Variants in CADPS observed in about 807,000 individuals in gnomAD.
CADPS encodes calcium dependent secretion activator, also known as calcium-dependent secretion activator 1.
In CADPS, 57 loss-of-function variants were observed where a neutral mutation model predicts 167.3. The ratio of observed to expected loss-of-function variants is 0.34; its 90% CI spans 0.28 to 0.42. The LOEUF is 0.42. CADPS is among the 20% of genes least tolerant of loss of function. The pLI is 1.00. For missense variants in CADPS, 1,414 were observed against 1,738.1 expected, an observed-to-expected ratio of 0.81 and a Z score of 3.32; for synonymous variants, 676 against 635.3, an observed-to-expected ratio of 1.06 and a Z score of -0.96.
At chr3:62,638,954 G>A (rs879594528) in intron 6 of CADPS, among the ~76,000 whole-genome samples, 2 of 152,106 alleles carry the variant, frequency 1.3e-5, no homozygotes, top group Non-Finnish European at 2.9e-5. Context: ...AGAATTAGGA[G>A]CTCTCTCTCC....
chr3:62,725,417 G>A (rs114447062), intron 3 of CADPS, among the ~76,000 whole-genome samples: 372 of 152,232 alleles, frequency 2.4e-3, no homozygotes, highest in African/African-American at 8.4e-3. Flanking sequence ...TCTTCAGCCC[G>A]GATCAATTAT....
intron 1 of CADPS, among the ~76,000 whole-genome samples, chr3:62,841,581 G>C (rs1156998287): frequency 6.6e-6 from 1 of 152,152 alleles, no homozygotes; most frequent in Non-Finnish European, 1.5e-5. Context: ...GCTGGGCGTG[G>C]TGGCATGTGC....
rs1195966763 is a variant in CADPS, at chr3:62,447,696, G to C, written c.3637-1899C>G. 2.6e-5 allele frequency among the ~76,000 whole-genome samples: 4 copies of C among 152,176 alleles called. No homozygotes were observed. In the East Asian group the frequency reaches 7.7e-4, roughly 29 times the overall value. Reference sequence around the variant, plus strand: ...GATCAGTCTGAAAACCAACATAGTTGTATAGAAAGGTGACTGCCTGCAGAG... The same window carrying C: ...GATCAGTCTGAAAACCAACATAGTTCTATAGAAAGGTGACTGCCTGCAGAG... On this transcript the variant is annotated intron_variant, in intron 26 of 29. Coordinates refer to ENST00000383710, the MANE Select transcript of CADPS (RefSeq NM_003716.4).
intron 6 of CADPS, among the ~76,000 whole-genome samples, chr3:62,616,034 T>C (rs1316245113): frequency 6.6e-6 from 1 of 152,148 alleles, no homozygotes; most frequent in African/African-American, 2.4e-5. Context: ...TTTTTTTCCT[T>C]TGCCTACAAA....
intron 3 of CADPS, among the ~76,000 whole-genome samples, chr3:62,706,710 CTG>C (rs2082370409): frequency 6.6e-6 from 1 of 152,052 alleles, no homozygotes. Context: ...GGTGATTTCT[CTG>C]TGTGTCTGTA....
At chr3:62,573,027 G>A (rs1170054410) in intron 8 of CADPS, among the ~76,000 whole-genome samples, 1 of 152,086 alleles carries the variant, frequency 6.6e-6, no homozygotes, top group Non-Finnish European at 1.5e-5. Flanking sequence ...GATTACAGAT[G>A]TGCACCACCA....
At chr3:62,488,402 A>G (rs1323099573) in intron 21 of CADPS, among the ~76,000 whole-genome samples, 2 of 152,164 alleles carry the variant, frequency 1.3e-5, no homozygotes, top group African/African-American at 2.4e-5. Flanking sequence ...CGTGGCATCC[A>G]CACTCTGTTT....
At chr3:62,638,524 C>G (rs1047900261) in intron 6 of CADPS, among the ~76,000 whole-genome samples, 2 of 151,970 alleles carry the variant, frequency 1.3e-5, no homozygotes, top group African/African-American at 4.8e-5. Context: ...GAAGCTGAAT[C>G]AGAAAGGAAA....
At chr3:62,666,975 G>C (rs1440604770) in intron 3 of CADPS, among the ~76,000 whole-genome samples, 2 of 150,860 alleles carry the variant, frequency 1.3e-5, no homozygotes, top group African/African-American at 2.4e-5. Context: ...TATTTGAAAG[G>C]ACAAAATGAC....
At chr3:62,538,768 C>G (rs1376528767) in intron 11 of CADPS, among the ~76,000 whole-genome samples, 1 of 152,106 alleles carries the variant, frequency 6.6e-6, no homozygotes, top group East Asian at 1.9e-4. Context: ...TGTTTCAAGT[C>G]TCTTTCTCTT....
At chr3:62,616,422 A>G (rs532653406) in intron 6 of CADPS, among the ~76,000 whole-genome samples, 2 of 151,900 alleles carry the variant, frequency 1.3e-5, no homozygotes, top group Non-Finnish European at 2.9e-5. Context: ...GTGAGAGAAA[A>G]TGCCAAAAAA....
At chr3:62,471,403 A>G (rs1396850960) in intron 24 of CADPS, among the ~76,000 whole-genome samples, 1 of 152,190 alleles carries the variant, frequency 6.6e-6, no homozygotes, top group Non-Finnish European at 1.5e-5. Context: ...ATTGTAGAGT[A>G]ATAATATATG....
intron 6 of CADPS, among the ~76,000 whole-genome samples, chr3:62,598,339 A>C (rs2059213787): frequency 6.6e-6 from 1 of 152,192 alleles, no homozygotes; most frequent in Admixed American, 6.5e-5. Flanking sequence ...TCTTAGCCAC[A>C]GTCATTGGAT....
At chr3:62,629,757 G>GTTTTTTT (rs55956118) in intron 6 of CADPS, among the ~76,000 whole-genome samples, 1 of 145,752 alleles carries the variant, frequency 6.9e-6, no homozygotes, top group Non-Finnish European at 1.5e-5. Context: ...CTCTGGTACA[G>GTTTTTTT]TTTTTTTTTT....
intron 3 of CADPS, among the ~76,000 whole-genome samples, chr3:62,688,934 C>A (rs1037364661): frequency 2.0e-5 from 3 of 151,948 alleles, no homozygotes; most frequent in Non-Finnish European, 4.4e-5. Flanking sequence ...GAGGACAATT[C>A]AAGTTGACAT....
intron 17 of CADPS, among the ~76,000 whole-genome samples, chr3:62,501,935 T>A (rs1163831616): frequency 6.6e-6 from 1 of 152,264 alleles, no homozygotes; most frequent in East Asian, 1.9e-4. Context: ...GTATGCCTGA[T>A]GTATATATAC....
intron 16 of CADPS, chr3:62,513,593 C>A: frequency 1.6e-6 from 2 of 1,246,140 alleles, no homozygotes; most frequent in Non-Finnish European, 2.3e-6. Flanking sequence ...ATAATGAAAA[C>A]AGAAAGAGTG....
intron 3 of CADPS, among the ~76,000 whole-genome samples, chr3:62,725,715 C>G (rs1207712558): frequency 6.6e-6 from 1 of 151,868 alleles, no homozygotes; most frequent in Non-Finnish European, 1.5e-5. Flanking sequence ...AGCTCACAAG[C>G]AAGTCTGTAC....
At chr3:62,527,163 G>A (rs991291513) in intron 13 of CADPS, among the ~76,000 whole-genome samples, 2 of 152,114 alleles carry the variant, frequency 1.3e-5, no homozygotes, top group Non-Finnish European at 2.9e-5. Context: ...AATCAGTGGT[G>A]GTACCTGTTA....
Sources: gnomAD v4.1 joint callset for allele counts (sites outside exome capture counted in the v4.1 genomes callset) on GRCh38, gnomAD v4.1.1 for gene constraint, MANE v1.5 for transcripts, NCBI Gene and HGNC (gene_info 2026-07-23, HGNC 2026-07-21) for gene names.